Variants in KLHL29 observed in about 807,000 individuals in gnomAD.
The protein encoded by KLHL29 is kelch like family member 29.
KLHL29 carries 21 observed loss-of-function variants against 80.4 expected under a neutral mutation model. That is an observed-to-expected ratio of 0.26 (90% CI 0.19 to 0.38). The LOEUF is 0.38. Among genes scored for constraint, KLHL29 ranks in the 10% least tolerant of loss-of-function variants. The pLI, the probability that KLHL29 is intolerant of heterozygous loss-of-function variation, is 1.00. For missense variants in KLHL29, 867 were observed against 1,223.9 expected, an observed-to-expected ratio of 0.71 and a Z score of 4.35; for synonymous variants, 511 against 526.8, an observed-to-expected ratio of 0.97 and a Z score of 0.41.
At chr2:23,548,569 G>C (rs1341048047) in intron 2 of KLHL29, among the ~76,000 whole-genome samples, 1 of 152,222 alleles carries the variant, frequency 6.6e-6, no homozygotes, top group African/African-American at 2.4e-5. Context: ...TTGAGAGCCA[G>C]TGTGCGATGC....
intron 3 of KLHL29, among the ~76,000 whole-genome samples, chr2:23,588,808 G>A (rs1668179738): frequency 6.6e-6 from 1 of 152,184 alleles, no homozygotes; most frequent in African/African-American, 2.4e-5. Context: ...GCCGGGCCTG[G>A]CTTGGAGCAC....
At chr2:23,689,583 C>T (rs1301219475) in intron 6 of KLHL29, 1 of 152,456 alleles carries the variant, frequency 6.6e-6, no homozygotes, top group African/African-American at 2.4e-5. Flanking sequence ...TTGAGCTCCT[C>T]TGCCTGAGGA....
At chr2:23,621,431 C>T (rs990981230) in intron 3 of KLHL29, among the ~76,000 whole-genome samples, 2 of 151,852 alleles carry the variant, frequency 1.3e-5, no homozygotes, top group East Asian at 3.9e-4. Flanking sequence ...GCTGAAACAG[C>T]AGTAACTGCA....
At chr2:23,486,801 C>A (rs1401799601) in intron 2 of KLHL29, among the ~76,000 whole-genome samples, 2 of 152,182 alleles carry the variant, frequency 1.3e-5, no homozygotes, top group Non-Finnish European at 2.9e-5. Context: ...CCTGCTCAGG[C>A]CACACCTCCT....
At chr2:23,491,069 G>C (rs1665085893) in intron 2 of KLHL29, among the ~76,000 whole-genome samples, 1 of 152,032 alleles carries the variant, frequency 6.6e-6, no homozygotes, top group African/African-American at 2.4e-5. Flanking sequence ...CATCATCTAG[G>C]TTTTAAGCCC....
intron 3 of KLHL29, among the ~76,000 whole-genome samples, chr2:23,569,872 T>C (rs1179994217): frequency 6.6e-6 from 1 of 152,226 alleles, no homozygotes; most frequent in South Asian, 2.1e-4. Flanking sequence ...CTTACTTTCA[T>C]GGTACGGCCA....
intron 3 of KLHL29, among the ~76,000 whole-genome samples, chr2:23,608,932 A>C (rs1205517538): frequency 2.0e-5 from 3 of 152,234 alleles, no homozygotes; most frequent in Non-Finnish European, 4.4e-5. Flanking sequence ...GAAATAAAAT[A>C]TTTACAGGTT....
At chr2:23,484,718 C>A (rs923677616) in intron 2 of KLHL29, among the ~76,000 whole-genome samples, 1 of 152,224 alleles carries the variant, frequency 6.6e-6, no homozygotes, top group Admixed American at 6.5e-5. Context: ...GAAATGCATT[C>A]GCGGTGCTCT....
chr2:23,689,982 G>A (rs985693137), intron 6 of KLHL29: 3 of 152,384 alleles, frequency 2.0e-5, no homozygotes, highest in African/African-American at 7.2e-5. Flanking sequence ...TCTGCCTTCT[G>A]GGCTGGCCCC....
chr2:23,582,386 G>GTTATTTAACA (rs1253989349), intron 3 of KLHL29, among the ~76,000 whole-genome samples: 2 of 152,150 alleles, frequency 1.3e-5, no homozygotes, highest in East Asian at 3.8e-4. Flanking sequence ...TATTATTATT[G>GTTATTTAACA]TTATTTAACA....
chr2:23,609,881 C>T (rs767649264), intron 3 of KLHL29, among the ~76,000 whole-genome samples: 1 of 152,142 alleles, frequency 6.6e-6, no homozygotes, highest in Non-Finnish European at 1.5e-5. Flanking sequence ...GGGAATCAGA[C>T]TCCTGTTTGG....
In KLHL29 at chr2:23,680,748, T is replaced by A. The variant is rs545306944; in HGVS notation, c.941-3651T>A. ...CTAGGCCATCTTCCCCTGGGGTCTC[T>A]AGGCCATCTTCTCCTGGGGTCTCTA... is the stretch of plus-strand genomic sequence containing the variant. On this transcript the variant is annotated intron_variant, in intron 5 of 13. Transcript: ENST00000486442. The surrounding 1 kb of genome is among the most constrained non-coding windows in gnomAD (Gnocchi z 4.1). 6.8e-6 allele frequency among the ~76,000 whole-genome samples: 1 copy of A among 148,060 alleles called. No individual in the cohort carries two copies. The highest frequency in any genetic ancestry group is 2.0e-4 in the East Asian group (1 of 5,114).
intron 2 of KLHL29, among the ~76,000 whole-genome samples, chr2:23,521,119 C>T (rs772108928): frequency 9.2e-5 from 14 of 152,152 alleles, no homozygotes; most frequent in South Asian, 4.1e-4. Context: ...TTCCTGTATC[C>T]GTCTATCTGC....
At chr2:23,588,186 C>G (rs1668165648) in intron 3 of KLHL29, among the ~76,000 whole-genome samples, 1 of 152,204 alleles carries the variant, frequency 6.6e-6, no homozygotes, top group Non-Finnish European at 1.5e-5. Context: ...TGCTCCTCCT[C>G]CTGGCCTCCC....
chr2:23,610,009 G>A (rs1668819818), intron 3 of KLHL29, among the ~76,000 whole-genome samples: 1 of 152,196 alleles, frequency 6.6e-6, no homozygotes, highest in African/African-American at 2.4e-5. Flanking sequence ...AGGCAGAGCA[G>A]ATGAGTTGCT....
intron 5 of KLHL29, among the ~76,000 whole-genome samples, chr2:23,658,540 G>T (rs1670309553): frequency 6.6e-6 from 1 of 152,198 alleles, no homozygotes; most frequent in Non-Finnish European, 1.5e-5. Flanking sequence ...AGAGGCATGA[G>T]GCTCCGTTCT....
chr2:23,575,696 C>T (rs1414649351), intron 3 of KLHL29, among the ~76,000 whole-genome samples: 5 of 152,202 alleles, frequency 3.3e-5, no homozygotes, highest in African/African-American at 1.2e-4. Flanking sequence ...GAGACACAGG[C>T]CTGCCTCAGG....
intron 3 of KLHL29, among the ~76,000 whole-genome samples, chr2:23,599,368 C>T (rs940764911): frequency 1.3e-5 from 2 of 151,786 alleles, no homozygotes; most frequent in East Asian, 1.9e-4. Flanking sequence ...TTTTCTCATC[C>T]GTAATAACAA....
intron 3 of KLHL29, among the ~76,000 whole-genome samples, chr2:23,630,446 G>A (rs1020733149): frequency 5.3e-5 from 8 of 152,114 alleles, no homozygotes; most frequent in African/African-American, 1.9e-4. Flanking sequence ...TAGTAGACCC[G>A]GGTTAGAGTC....
Sources: allele counts gnomAD v4.1 joint callset (sites outside exome capture counted in the v4.1 genomes callset), GRCh38; gene constraint gnomAD v4.1.1; non-coding constraint Gnocchi (gnomAD v3.1); transcripts MANE v1.5; gene names NCBI Gene and HGNC (gene_info 2026-07-23, HGNC 2026-07-21).